EPB41L4A: variants seen among roughly 807,000 people sequenced by gnomAD.
EPB41L4A encodes band 4.1-like protein 4A.
In EPB41L4A, 100 loss-of-function variants were observed where a neutral mutation model predicts 108.6. That is an observed-to-expected ratio of 0.92 (90% CI 0.78 to 1.09). The LOEUF is 1.09. Among genes scored for constraint, EPB41L4A ranks in the 50% least tolerant of loss-of-function variants. The pLI is 0.00. For missense variants in EPB41L4A, 1,030 were observed against 842.7 expected, an observed-to-expected ratio of 1.22 and a Z score of -2.75; for synonymous variants, 319 against 289.0, an observed-to-expected ratio of 1.10 and a Z score of -1.05.
At chr5:112,362,281 TG>T (rs1173485393) in intron 1 of EPB41L4A, among the ~76,000 whole-genome samples, 25 of 63,816 alleles carry the variant, frequency 3.9e-4, no homozygotes, top group African/African-American at 1.0e-3. Flanking sequence ...AGAGCATTAA[TG>T]TTTTTTTTTT....
chr5:112,353,834 G>A (rs1337343484), intron 1 of EPB41L4A, among the ~76,000 whole-genome samples: 1 of 152,138 alleles, frequency 6.6e-6, no homozygotes, highest in African/African-American at 2.4e-5. Flanking sequence ...CACATGCCTA[G>A]GACAACAGAT....
At chr5:112,273,928 A>C (rs919124360) in intron 4 of EPB41L4A, among the ~76,000 whole-genome samples, 1 of 152,074 alleles carries the variant, frequency 6.6e-6, no homozygotes, top group Non-Finnish European at 1.5e-5. Flanking sequence ...TGGCATGTCT[A>C]CTTTTCAAAG....
chr5:112,215,063 G>T (rs1248944332), intron 12 of EPB41L4A, among the ~76,000 whole-genome samples: 1 of 152,192 alleles, frequency 6.6e-6, no homozygotes, highest in African/African-American at 2.4e-5. Flanking sequence ...GGTACTCAAT[G>T]AATGTCTATT....
chr5:112,364,637 C>G (rs530682171), intron 1 of EPB41L4A, among the ~76,000 whole-genome samples: 2 of 152,260 alleles, frequency 1.3e-5, no homozygotes, highest in African/African-American at 4.8e-5. Context: ...TTTTTCCCTC[C>G]TATCAAATTA....
At chr5:112,413,497 T>C (rs1762528928) in intron 1 of EPB41L4A, among the ~76,000 whole-genome samples, 1 of 152,198 alleles carries the variant, frequency 6.6e-6, no homozygotes, top group African/African-American at 2.4e-5. Context: ...TTAATAAGCA[T>C]CTACCACATG....
intron 1 of EPB41L4A, among the ~76,000 whole-genome samples, chr5:112,396,465 G>A (rs368763491): frequency 8.5e-5 from 13 of 152,128 alleles, no homozygotes; most frequent in South Asian, 2.1e-4. Flanking sequence ...ACCCCAAAAC[G>A]TAATGGTTTA....
chr5:112,161,757 G>T, downstream of EPB41L4A: 2 of 406,148 alleles, frequency 4.9e-6, no homozygotes, highest in South Asian at 3.7e-5. Context: ...CCATCTGGGA[G>T]CATAAAGGTG....
intron 15 of EPB41L4A, among the ~76,000 whole-genome samples, chr5:112,202,291 C>T (rs915737764): frequency 1.3e-5 from 2 of 152,146 alleles, no homozygotes; most frequent in African/African-American, 2.4e-5. Context: ...ATTGCCTGCT[C>T]AAAGGTGGAA....
At chr5:112,391,225 T>G (rs749574297) in intron 1 of EPB41L4A, among the ~76,000 whole-genome samples, 4 of 152,176 alleles carry the variant, frequency 2.6e-5, no homozygotes, top group Non-Finnish European at 5.9e-5. Context: ...AGAATGACTT[T>G]GATGAGTTGA....
At chr5:112,293,740 C>T (rs1460244755) in intron 2 of EPB41L4A, among the ~76,000 whole-genome samples, 2 of 152,112 alleles carry the variant, frequency 1.3e-5, no homozygotes, top group Non-Finnish European at 2.9e-5. Context: ...TTGGGGGAGC[C>T]GTTTGGGAGG....
intron 1 of EPB41L4A, among the ~76,000 whole-genome samples, chr5:112,360,240 C>G (rs1043928300): frequency 6.6e-6 from 1 of 152,106 alleles, no homozygotes; most frequent in Non-Finnish European, 1.5e-5. Flanking sequence ...CTGGGCAACA[C>G]AGCAAGACCC....
chr5:112,159,368 G>A (rs1580336275), downstream of EPB41L4A, among the ~76,000 whole-genome samples: 1 of 152,170 alleles, frequency 6.6e-6, no homozygotes, highest in Admixed American at 6.5e-5. Context: ...AGAGAAACAT[G>A]GAGACCTAGT....
chr5:112,390,578 C>A (rs555072310), intron 1 of EPB41L4A, among the ~76,000 whole-genome samples: 1 of 152,144 alleles, frequency 6.6e-6, no homozygotes, highest in African/African-American at 2.4e-5. Context: ...TGCAGCTCAA[C>A]GAGGCCAGCG....
At chr5:112,325,291 A>G (rs1357665601) in intron 1 of EPB41L4A, among the ~76,000 whole-genome samples, 2 of 152,116 alleles carry the variant, frequency 1.3e-5, no homozygotes, top group East Asian at 3.9e-4. Context: ...AATACAAAAA[A>G]TTAGCCGGGC....
chr5:112,347,448 T>C (rs1430640087), intron 1 of EPB41L4A, among the ~76,000 whole-genome samples: 2 of 152,192 alleles, frequency 1.3e-5, no homozygotes, highest in African/African-American at 4.8e-5. Flanking sequence ...CTTAGGCTAG[T>C]GCTCACATTT....
intron 6 of EPB41L4A, chr5:112,264,223 T>C (rs1245848576): frequency 1.3e-5 from 2 of 152,162 alleles, no homozygotes; most frequent in Non-Finnish European, 2.9e-5. Context: ...TTAACCAAAA[T>C]AACTATAATG....
rs200918293 is a variant in EPB41L4A at position 112,403,004 on chromosome 5, TCA to T, written c.99+15935_99+15936del. ...TGTCACTTATTTTTCTCCCTCTAGC[TCA>T]CACACACACACACAAAACCCTCAGC... On this transcript the variant is annotated intron_variant, in intron 1 of 22. Coordinates refer to ENST00000261486, the MANE Select transcript of EPB41L4A (RefSeq NM_022140.5). Among the ~76,000 whole-genome samples the T allele has an allele frequency of 1.4e-4, 21 of 146,010 alleles. No individual in the cohort carries two copies. In the East Asian group the frequency reaches 3.5e-3, roughly 24 times the overall value.
At chr5:112,242,940 G>A (rs1435011060) in intron 9 of EPB41L4A, among the ~76,000 whole-genome samples, 2 of 152,124 alleles carry the variant, frequency 1.3e-5, no homozygotes, top group African/African-American at 2.4e-5. Context: ...CGGCCCAGGA[G>A]TGGTGGCTCA....
rs1332400921 is a variant in EPB41L4A, at chr5:112,183,935, A to T, written c.1622+81T>A. The T allele has an allele frequency of 2.6e-6, 4 of 1,530,940 alleles. No individual in the cohort carries two copies. The African/African-American group carries it at 5.5e-5, about 21-fold the overall frequency. The allele number at this position is 1,530,940 out of a possible 1,614,324, so 94.8% of individuals were successfully genotyped here. The stretch of plus-strand genomic sequence containing the variant: ...AATGAAATAATCCTAGTTGAACTAA[A>T]ACACTTTAGAAGACCTGAATATCCA... On this transcript the variant is annotated intron_variant, in intron 18 of 22. Transcript: ENST00000261486.
Sources: gnomAD v4.1 joint callset for allele counts (sites outside exome capture counted in the v4.1 genomes callset) on GRCh38, gnomAD v4.1.1 for gene constraint, MANE v1.5 for transcripts, NCBI Gene and HGNC (gene_info 2026-07-23, HGNC 2026-07-21) for gene names.